Variants in SETX observed in about 807,000 individuals in gnomAD.
The protein encoded by SETX is senataxin, also known as helicase senataxin.
A neutral mutation model predicts 227.2 loss-of-function variants in SETX; 90 were observed. That is an observed-to-expected ratio of 0.40 (90% CI 0.33 to 0.47). SETX has a LOEUF of 0.47. SETX is among the 20% of genes least tolerant of loss of function. SETX has a pLI of 0.91. For missense variants in SETX, 3,052 were observed against 3,181.5 expected (o/e 0.96, Z 0.98); for synonymous variants, 1,210 against 1,113.2 (o/e 1.09, Z -1.73).
chr9:132,278,297 A>G, intron 20 of SETX, 40 bp from the exon 21 acceptor site: 1 of 1,595,154 alleles, frequency 6.3e-7, no homozygotes, highest in Non-Finnish European at 8.6e-7. Flanking sequence ...CCAAGAATTC[A>G]TTTATATCTT....
chr9:132,350,420 A>T (rs528518520), intron 2 of SETX, among the ~76,000 whole-genome samples: 1 of 152,298 alleles, frequency 6.6e-6, no homozygotes, highest in African/African-American at 2.4e-5. Context: ...GCAGTGTGAG[A>T]TTTTTGAGTA....
chr9:132,322,291 TTTTA>T (rs1478960062), intron 10 of SETX, among the ~76,000 whole-genome samples: 1 of 152,132 alleles, frequency 6.6e-6, no homozygotes, highest in Non-Finnish European at 1.5e-5. Flanking sequence ...AGTACTATGG[TTTTA>T]TTTACTATGC....
At chr9:132,344,115 G>A (rs917998628) in intron 4 of SETX, among the ~76,000 whole-genome samples, 3 of 152,138 alleles carry the variant, frequency 2.0e-5, no homozygotes, top group African/African-American at 4.8e-5. Context: ...CCAGAGAAGC[G>A]GGTTTTGCAA....
chr9:132,320,990 A>G (rs1426016543), intron 10 of SETX, among the ~76,000 whole-genome samples: 1 of 151,774 alleles, frequency 6.6e-6, no homozygotes, highest in Non-Finnish European at 1.5e-5. Flanking sequence ...GCAAAAAATG[A>G]CAAGAGATTT....
intron 5 of SETX, among the ~76,000 whole-genome samples, chr9:132,342,037 C>CT (rs1250319412): frequency 2.0e-5 from 3 of 152,082 alleles, no homozygotes; most frequent in African/African-American, 4.8e-5. Flanking sequence ...CATTACCATG[C>CT]TTTTTTTAAA....
intron 10 of SETX, 49 bp downstream of exon 10, chr9:132,326,274 GA>G: frequency 7.3e-7 from 1 of 1,361,260 alleles, no homozygotes; most frequent in Non-Finnish European, 1.0e-6. Flanking sequence ...GCAAGGTAAA[GA>G]GGTAACTTGA....
At position 132,342,574 on chromosome 9, in the gene SETX, G is replaced by GC. The variant is rs1315526994; in HGVS notation, c.498+115dup. The GC allele has an allele frequency of 1.5e-5, 13 of 868,862 alleles. No individual in the cohort carries two copies. The African/African-American group carries it at 2.1e-4, about 14-fold the overall frequency. 53.8% of individuals were successfully genotyped at this position (868,862 alleles called of 1,614,324 possible). ...CTACTTAACTGTAGTAAATTTTAAA[G>GC]CAAGAAAAATTTTAGCAAACATTTT... On this transcript the variant is annotated intron_variant, in intron 5 of 25. Transcript: ENST00000224140.
chr9:132,286,008 C>T (rs1488578145), intron 18 of SETX, among the ~76,000 whole-genome samples: 1 of 150,650 alleles, frequency 6.6e-6, no homozygotes, highest in African/African-American at 2.4e-5. Flanking sequence ...CACGGTGAAA[C>T]CCCGTCTCTA....
chr9:132,327,782 C>A lies in SETX; in HGVS notation c.3816G>T (p.Lys1272Asn), dbSNP rs904075362. 1.2e-6 allele frequency: 2 copies of A among 1,614,188 alleles called. No homozygotes were observed. Among genetic ancestry groups the A allele is most frequent in the Non-Finnish European group, 1.7e-6 (2 of 1,180,032 alleles). The change falls in exon 10 of 26, where the codon AAG becomes AAT. Residue 1272 changes from lysine to asparagine, a missense_variant. Physicochemically the swap from Lys to Asn is moderately conservative, Grantham distance 94. Transcript: ENST00000224140. The part of the protein sequence containing the change: ...CRTTPAIVPP[K>N]KFRQCPEPTS... The stretch of plus-strand genomic sequence containing the variant: ...TTGGCTCAGGACACTGACGAAATTT[C>A]TTTGGCGGCACTATAGCAGGAGTTG...
intron 15 of SETX, among the ~76,000 whole-genome samples, chr9:132,290,189 G>A (rs979864247): frequency 2.0e-5 from 3 of 152,104 alleles, no homozygotes; most frequent in Non-Finnish European, 2.9e-5. Flanking sequence ...CAGCCTGGGT[G>A]ACAGAGCAAG....
At position 132,345,491 on chromosome 9, in the gene SETX, C is replaced by G. The variant is rs1042530347; in HGVS notation, c.388+770G>C. 2.1e-4 allele frequency among the ~76,000 whole-genome samples: 32 copies of G among 152,164 alleles called. 1 individual carries two copies. Among genetic ancestry groups the G allele is most frequent in the Non-Finnish European group, 2.9e-5 (2 of 68,026 alleles). On this transcript the variant is annotated intron_variant, in intron 4 of 25. Coordinates refer to ENST00000224140, the MANE Select transcript of SETX (RefSeq NM_015046.7). ...GTTTCACTATGTTAGCAAGGCTGGT[C>G]TTGAACTCCTGACCTCAGGTGCTCT...
At chr9:132,276,920 G>A in intron 22 of SETX, 140 bp downstream of exon 22, 1 of 749,062 alleles carries the variant, frequency 1.3e-6, no homozygotes, top group East Asian at 2.7e-5. Context: ...GAAAAAAGAA[G>A]CATCAACTTA....
At chr9:132,275,548 C>A (rs1843119750) in intron 22 of SETX, 128 bp from the exon 23 acceptor site, 2 of 751,468 alleles carry the variant, frequency 2.7e-6, no homozygotes, top group South Asian at 3.4e-5. Context: ...ATCTTTTATT[C>A]AGCTAGCAGT....
intron 18 of SETX, among the ~76,000 whole-genome samples, chr9:132,284,166 A>G (rs556164768): frequency 1.3e-5 from 2 of 152,348 alleles, no homozygotes; most frequent in East Asian, 3.9e-4. Flanking sequence ...CTCACACAGT[A>G]AAGCACTGTC....
chr9:132,293,901 A>G (rs562315559), intron 15 of SETX, among the ~76,000 whole-genome samples: 5 of 151,822 alleles, frequency 3.3e-5, no homozygotes, highest in Non-Finnish European at 5.9e-5. Flanking sequence ...GCGGGCGCCT[A>G]TAGTCCCAGC....
chr9:132,291,604 T>A (rs1844312141), intron 15 of SETX, among the ~76,000 whole-genome samples: 1 of 152,170 alleles, frequency 6.6e-6, no homozygotes, highest in African/African-American at 2.4e-5. Context: ...CTCAGGGGAA[T>A]GTTAAGAGAA....
At chr9:132,351,374 G>A (rs1335451302) in intron 2 of SETX, among the ~76,000 whole-genome samples, 2 of 152,154 alleles carry the variant, frequency 1.3e-5, no homozygotes, top group Non-Finnish European at 2.9e-5. Flanking sequence ...TCCAAATGTT[G>A]TGTACTTTAA....
chr9:132,273,936 T>C (rs1486912445), intron 23 of SETX, among the ~76,000 whole-genome samples: 3 of 151,658 alleles, frequency 2.0e-5, no homozygotes, highest in Non-Finnish European at 4.4e-5. Context: ...TTTTTGTAAA[T>C]GCCTTTTATT....
intron 7 of SETX, among the ~76,000 whole-genome samples, chr9:132,333,850 C>T (rs1157142140): frequency 6.6e-6 from 1 of 152,098 alleles, no homozygotes; most frequent in Admixed American, 6.5e-5. Flanking sequence ...GCACGTGTGG[C>T]CATTGAGCCT....
Sources: gnomAD v4.1 joint callset for allele counts (sites outside exome capture counted in the v4.1 genomes callset) on GRCh38, gnomAD v4.1.1 for gene constraint, MANE v1.5 for transcripts, NCBI Gene and HGNC (gene_info 2026-07-23, HGNC 2026-07-21) for gene names.